OXR1: variants seen among roughly 807,000 people sequenced by gnomAD.
OXR1 encodes oxidation resistance 1.
In OXR1, 41 loss-of-function variants were observed where a neutral mutation model predicts 104.6. That is an observed-to-expected ratio of 0.39 (90% CI 0.31 to 0.51). The LOEUF (loss-of-function observed/expected upper bound fraction) is 0.51. Ranked by LOEUF, OXR1 falls within the 20% of genes least tolerant of loss-of-function variation. The pLI is 0.77. For synonymous variants in OXR1, 348 were observed against 348.4 expected (o/e 1.00, Z 0.01); for missense variants, 955 against 1,031.9 (o/e 0.93, Z 1.02).
chr8:106,701,464 T>C (rs1563724481), intron 7 of OXR1, among the ~76,000 whole-genome samples: 1 of 152,220 alleles, frequency 6.6e-6, no homozygotes, highest in Non-Finnish European at 1.5e-5. Flanking sequence ...CAGAGCTGAA[T>C]ATGGACTTGG....
At chr8:106,390,221 GT>G (rs1817538396) in intron 2 of OXR1, among the ~76,000 whole-genome samples, 1 of 151,968 alleles carries the variant, frequency 6.6e-6, no homozygotes, top group Admixed American at 6.6e-5. Context: ...GAAAACTAAG[GT>G]TTTATAGATT....
chr8:106,620,273 A>C (rs1038963915), intron 3 of OXR1, among the ~76,000 whole-genome samples: 1 of 152,124 alleles, frequency 6.6e-6, no homozygotes, highest in Non-Finnish European at 1.5e-5. Context: ...TTAAAATCTA[A>C]AATCACCTTG....
chr8:106,274,668 G>A (rs1019031563), intron 1 of OXR1, among the ~76,000 whole-genome samples: 3 of 143,384 alleles, frequency 2.1e-5, no homozygotes, highest in Non-Finnish European at 3.0e-5. Context: ...GCTTCTAGGT[G>A]GAATGGGGAT....
Position 106,395,259 on chromosome 8 carries a change from G to A in OXR1, c.23+35623G>A, listed in dbSNP as rs191029031. On this transcript the variant is annotated intron_variant, in intron 2 of 16. Transcript: ENST00000517566. ...GGGGCAGTCTAGAATGAATCCTGTG[G>A]TGTTGAATTAGAGTTGGAGCCATCA... Among the ~76,000 whole-genome samples, 7 of 152,246 alleles carry A rather than the reference G, an allele frequency of 4.6e-5. No individual in the cohort carries two copies. In the East Asian group the frequency reaches 1.3e-3, roughly 29 times the overall value.
At position 106,339,513 on chromosome 8, in the gene OXR1, AAAAAAAATATATATAT is replaced by A. The variant is rs1421726985; in HGVS notation, c.-138-19961_-138-19946del. 1.0e-4 allele frequency among the ~76,000 whole-genome samples: 4 copies of A among 38,172 alleles called. No homozygotes were observed. The Admixed American group carries it at 1.5e-3, about 14-fold the overall frequency. 25.0% of individuals were successfully genotyped at this position (38,172 alleles called of 152,430 possible). On this transcript the variant is annotated intron_variant, in intron 1 of 16. Coordinates refer to ENST00000517566, the MANE Select transcript of OXR1 (RefSeq NM_001198533.2). ...CATCCAAAAAAAAAAAAAAAAAAAAAAAAAAAATATATATATATATATATATATATATATATATATA... is the reference window on the plus strand; with the variant it reads ...CATCCAAAAAAAAAAAAAAAAAAAAAATATATATATATATATATATATATA...
intron 2 of OXR1, among the ~76,000 whole-genome samples, chr8:106,472,363 G>T (rs1440752828): frequency 6.6e-6 from 1 of 151,650 alleles, no homozygotes; most frequent in Non-Finnish European, 1.5e-5. Flanking sequence ...CAAATAAAAA[G>T]GTGACTCAGT....
intron 3 of OXR1, among the ~76,000 whole-genome samples, chr8:106,557,520 A>G (rs1816369010): frequency 1.3e-5 from 2 of 151,120 alleles, no homozygotes; most frequent in African/African-American, 4.8e-5. Context: ...AGCAGAAAGC[A>G]TGGTAAAACT....
At chr8:106,432,301 A>G (rs992552846) in intron 2 of OXR1, among the ~76,000 whole-genome samples, 1 of 150,918 alleles carries the variant, frequency 6.6e-6, no homozygotes, top group Non-Finnish European at 1.5e-5. Context: ...CCCTCTCCTC[A>G]CTCTTCCATG....
chr8:106,547,135 C>T (rs562916876), intron 3 of OXR1, among the ~76,000 whole-genome samples: 17 of 152,214 alleles, frequency 1.1e-4, no homozygotes, highest in African/African-American at 3.6e-4. Context: ...ATGATCCACC[C>T]GCCTCAGCCT....
In OXR1 at chr8:106,610,101, AT is replaced by A. The variant is rs34420371; in HGVS notation, c.221-69093del. On this transcript the variant is annotated intron_variant, in intron 3 of 16. Coordinates refer to ENST00000517566, the MANE Select transcript of OXR1 (RefSeq NM_001198533.2). ...CAGGTGTTTTAAAATCAACCTTTTG[AT>A]TTTTTTTTTTTTTTTATAATTTACC... Among the ~76,000 whole-genome samples, 792 of 140,848 alleles carry A rather than the reference AT, an allele frequency of 5.6e-3. 1 individual carries two copies. The highest frequency in any genetic ancestry group is 8.9e-3 in the African/African-American group (339 of 38,178). 92.4% of individuals were successfully genotyped at this position (140,848 alleles called of 152,430 possible).
At chr8:106,426,119 G>A (rs1056305242) in intron 2 of OXR1, among the ~76,000 whole-genome samples, 8 of 152,158 alleles carry the variant, frequency 5.3e-5, no homozygotes, top group African/African-American at 1.9e-4. Flanking sequence ...TACTGTCTAT[G>A]TGACCATCTC....
intron 1 of OXR1, among the ~76,000 whole-genome samples, chr8:106,312,501 C>G (rs915087321): frequency 1.3e-5 from 2 of 152,098 alleles, no homozygotes; most frequent in Admixed American, 1.3e-4. Context: ...ATAGGCTAGT[C>G]AATTCACTGT....
intron 3 of OXR1, among the ~76,000 whole-genome samples, chr8:106,549,071 GA>G (rs199889947): frequency 2.0e-5 from 3 of 147,824 alleles, no homozygotes; most frequent in Non-Finnish European, 3.0e-5. Context: ...ATGATCACCG[GA>G]AAAAAAAACA....
In OXR1 at chr8:106,434,166, AC is replaced by A. The variant is rs1201146387; in HGVS notation, c.23+74533del. On this transcript the variant is annotated intron_variant, in intron 2 of 16. Coordinates refer to ENST00000517566, the MANE Select transcript of OXR1 (RefSeq NM_001198533.2). ...CTAAAAAAAACTAGAAAATAATGTT[AC>A]CCATGATTAAATTATTTGTTCTGGT... is the stretch of plus-strand genomic sequence containing the variant. 2.0e-5 allele frequency among the ~76,000 whole-genome samples: 3 copies of A among 152,134 alleles called. No individual in the cohort carries two copies. The East Asian group carries it at 5.8e-4, about 29-fold the overall frequency.
intron 3 of OXR1, among the ~76,000 whole-genome samples, chr8:106,620,562 C>T (rs1266742093): frequency 2.6e-5 from 4 of 152,142 alleles, no homozygotes; most frequent in African/African-American, 9.7e-5. Flanking sequence ...TGTTCTTAGG[C>T]CACTGTCTTG....
At chr8:106,534,637 G>A (rs1814345630) in intron 3 of OXR1, among the ~76,000 whole-genome samples, 1 of 152,182 alleles carries the variant, frequency 6.6e-6, no homozygotes, top group South Asian at 2.1e-4. Flanking sequence ...GGCTATTTTA[G>A]CTCTATCAGT....
In OXR1 at chr8:106,473,572, C is replaced by G. The variant is rs559372974; in HGVS notation, c.24-45371C>G. Among the ~76,000 whole-genome samples the G allele has an allele frequency of 1.4e-3, 212 of 151,850 alleles. 5 individuals carry two copies. In the South Asian group the frequency reaches 0.019, roughly 13 times the overall value. On this transcript the variant is annotated intron_variant, in intron 2 of 16. Transcript: ENST00000517566. ...TAACCATAAAGGCTTTATTTTTACA[C>G]AAAGCGTATGTCTGTTTTCTAAAAG...
chr8:106,709,478 A>G (rs1831483786), intron 9 of OXR1, among the ~76,000 whole-genome samples: 1 of 152,066 alleles, frequency 6.6e-6, no homozygotes, highest in African/African-American at 2.4e-5. Flanking sequence ...TATATTTTGA[A>G]GATCTTTGAC....
intron 2 of OXR1, among the ~76,000 whole-genome samples, chr8:106,516,201 C>G (rs1447439633): frequency 6.6e-6 from 1 of 152,116 alleles, no homozygotes; most frequent in Non-Finnish European, 1.5e-5. Context: ...TAGCTCATTC[C>G]TTCAGTCTCT....
Sources: gnomAD v4.1 joint callset for allele counts (sites outside exome capture counted in the v4.1 genomes callset) on GRCh38, gnomAD v4.1.1 for gene constraint, MANE v1.5 for transcripts, NCBI Gene and HGNC (gene_info 2026-07-23, HGNC 2026-07-21) for gene names.